Variants in BRD4 observed in about 807,000 individuals in gnomAD.
BRD4 encodes the protein bromodomain containing 4.
Under a neutral mutation model 142.1 loss-of-function variants are expected in BRD4, and 16 were observed. The observed-to-expected ratio is 0.11, with a 90% CI of 0.08 to 0.17. BRD4 has a LOEUF of 0.17. Among genes scored for constraint, BRD4 ranks in the 10% least tolerant of loss-of-function variants. The pLI, the probability that BRD4 is intolerant of heterozygous loss-of-function variation, is 1.00. For missense variants in BRD4, 1,424 were observed against 1,810.9 expected, an observed-to-expected ratio of 0.79 and a Z score of 3.88; for synonymous variants, 833 against 707.5, an observed-to-expected ratio of 1.18 and a Z score of -2.82.
chr19:15,296,493 G>C (rs2047824042), intron 1 of BRD4, among the ~76,000 whole-genome samples: 1 of 152,178 alleles, frequency 6.6e-6, no homozygotes, highest in South Asian at 2.1e-4. Flanking sequence ...AAGAAAGCCA[G>C]AGATTAGCCA....
rs779860738 is a variant in BRD4, at chr19:15,265,439, G to T, written c.764C>A (p.Pro255His). ...QPLQTPPPVP[P>H]QPQPPPAPAP... ...TGGAGCGGGTGGGGGTTGTGGCTGG[G>T]GGGGCACTGGCGGGGGCGTCTGCAG... Residue 255 changes from proline to histidine, a missense_variant, in exon 5 of 20, where the codon CCC becomes CAC. Coordinates refer to ENST00000679869, the MANE Select transcript of BRD4 (RefSeq NM_001379291.1). The T allele has an allele frequency of 1.3e-6, 2 of 1,574,956 alleles. No individual in the cohort carries two copies. Among genetic ancestry groups the T allele is most frequent in the African/African-American group, 1.3e-5 (1 of 74,092 alleles).
At chr19:15,325,690 C>T (rs763136693) in intron 1 of BRD4, among the ~76,000 whole-genome samples, 2 of 152,018 alleles carry the variant, frequency 1.3e-5, no homozygotes, top group Non-Finnish European at 2.9e-5. Flanking sequence ...TATACACCTC[C>T]CAATTCAAAG....
intron 1 of BRD4, among the ~76,000 whole-genome samples, chr19:15,324,585 C>T (rs982987348): frequency 6.6e-6 from 1 of 152,172 alleles, no homozygotes; most frequent in African/African-American, 2.4e-5. Flanking sequence ...AGCCCAGATG[C>T]CAATACAATC....
At chr19:15,300,918 C>G (rs1489114833) in intron 1 of BRD4, among the ~76,000 whole-genome samples, 2 of 152,214 alleles carry the variant, frequency 1.3e-5, no homozygotes, top group Non-Finnish European at 2.9e-5. Context: ...ACCCAGCCAT[C>G]TCACTTGCAG....
chr19:15,322,853 A>G (rs1463178914), intron 1 of BRD4, among the ~76,000 whole-genome samples: 4 of 131,296 alleles, frequency 3.0e-5, no homozygotes, highest in African/African-American at 1.2e-4. Context: ...GGAGATAGAG[A>G]GAGACTCTGT....
In BRD4 at chr19:15,312,362, G is replaced by A. The variant is rs576647705; in HGVS notation, c.-35+19928C>T. On this transcript the variant is annotated intron_variant, in intron 1 of 19. Transcript: ENST00000679869. ...AAAGTACAAAAAAGGGGCCAGGTGC[G>A]GTGGCTCACACCTGTAATCCCAGCA... Among the ~76,000 whole-genome samples, 8 of 152,084 alleles carry A rather than the reference G, an allele frequency of 5.3e-5. No individual in the cohort carries two copies. The East Asian group carries it at 7.8e-4, about 15-fold the overall frequency.
At chr19:15,254,466 A>G (rs1239834868) in intron 10 of BRD4, among the ~76,000 whole-genome samples, 1 of 152,132 alleles carries the variant, frequency 6.6e-6, no homozygotes, top group Non-Finnish European at 1.5e-5. Flanking sequence ...CTTACAATGG[A>G]ATTTCAAGGT....
At position 15,246,864 on chromosome 19, in the gene BRD4, G is replaced by A. The variant is rs546554197; in HGVS notation, c.2159-2102C>T. ...GGGGGAGAGAAGGCGGCATGTGCAC[G>A]GCAGACCCCCAGGACCAGATGCCTA... On this transcript the variant is annotated intron_variant, in intron 11 of 19. Transcript: ENST00000679869. Among the ~76,000 whole-genome samples, 172 of 152,232 alleles carry A rather than the reference G, an allele frequency of 1.1e-3. 1 individual carries two copies. Among genetic ancestry groups the A allele is most frequent in the African/African-American group, 3.9e-3 (163 of 41,530 alleles).
intron 11 of BRD4, among the ~76,000 whole-genome samples, chr19:15,249,601 G>C (rs930422872): frequency 6.6e-6 from 1 of 152,190 alleles, no homozygotes; most frequent in Non-Finnish European, 1.5e-5. Flanking sequence ...CCCTGCCTGA[G>C]CGCACGCCGG....
rs949109823 is a variant in BRD4 at position 15,236,184 on chromosome 19, A to G, written c.*2193T>C. The G allele has an allele frequency of 6.6e-6, 1 of 152,226 alleles. No individual in the cohort carries two copies. The highest frequency in any genetic ancestry group is 2.4e-5 in the African/African-American group (1 of 41,450). The allele number at this position is 152,226 out of a possible 1,614,324, so 9.4% of individuals were successfully genotyped here. ...GGGATGTAGGAGAATAAACAGTGCT[A>G]GAAATGTTTCAATCAGTTTGTCTCT... On this transcript the variant is annotated 3_prime_UTR_variant, in exon 20 of 20. Transcript: ENST00000679869.
Position 15,239,067 on chromosome 19 carries a change from C to T in BRD4, c.3774G>A (p.Glu1258=), listed in dbSNP as rs776759685. The change falls in exon 18 of 20, where the codon GAG becomes GAA. Residue 1258 remains glutamate (E), a synonymous_variant. Transcript: ENST00000679869. This position sits in a 1 kb window ranked among gnomAD's most constrained non-coding sequence, Gnocchi z 7.4. The stretch of plus-strand genomic sequence containing the variant: ...CCCAGACACCCGCCCACCTCATGCG[C>T]TCCTGCCGCAGCCGCTCCTTCTCCT... The part of the protein sequence containing the change: ...AEKEKERLRQ[E]RMRSREDEDA... The T allele has an allele frequency of 1.3e-6, 2 of 1,593,240 alleles. No individual in the cohort carries two copies. Among genetic ancestry groups the T allele is most frequent in the South Asian group, 2.2e-5 (2 of 89,512 alleles).
At chr19:15,284,305 G>T (rs541467087) in intron 1 of BRD4, among the ~76,000 whole-genome samples, 2 of 152,208 alleles carry the variant, frequency 1.3e-5, no homozygotes, top group Non-Finnish European at 2.9e-5. Context: ...TGAAGAAAAG[G>T]GAACGCAGAA....
intron 1 of BRD4, among the ~76,000 whole-genome samples, chr19:15,292,930 C>A (rs1051975388): frequency 1.3e-4 from 20 of 151,818 alleles, no homozygotes; most frequent in African/African-American, 4.8e-4. Flanking sequence ...TAACTCTGCT[C>A]ACACTGCTGG....
rs901804731 is a variant in BRD4, at chr19:15,254,171, G to A, written c.2139C>T (p.Asp713=). ...CCTAACCTGTTTCGGAGTCTTCGCT[G>A]TCAGAGGAGCTGGACTCACTGGAGC... ...SESSSESSSS[D]SEDSETEMAP... is the part of the protein sequence containing the mutation. The change falls in exon 11 of 20, where the codon GAC becomes GAT. Residue 713 remains aspartate (D), a synonymous_variant. Coordinates refer to ENST00000679869, the MANE Select transcript of BRD4 (RefSeq NM_001379291.1). The A allele has an allele frequency of 1.9e-6, 3 of 1,614,190 alleles. No homozygotes were observed. The highest frequency in any genetic ancestry group is 1.6e-4 in the Middle Eastern group (1 of 6,062).
intron 1 of BRD4, among the ~76,000 whole-genome samples, chr19:15,283,807 T>C (rs1168231418): frequency 1.3e-5 from 2 of 152,172 alleles, no homozygotes; most frequent in Non-Finnish European, 2.9e-5. Flanking sequence ...TGACTCAAGG[T>C]GTCCCTGGAA....
At chr19:15,260,989 T>C (rs2047464009) in intron 7 of BRD4, among the ~76,000 whole-genome samples, 2 of 152,190 alleles carry the variant, frequency 1.3e-5, no homozygotes, top group African/African-American at 2.4e-5. Context: ...ACAGTCACCT[T>C]TGGTGCTGGA....
chr19:15,273,421 T>C (rs2047611852), intron 1 of BRD4, among the ~76,000 whole-genome samples: 1 of 152,318 alleles, frequency 6.6e-6, no homozygotes, highest in South Asian at 2.1e-4. Flanking sequence ...ATGAAGGTCA[T>C]GGGGAAGGAT....
intron 1 of BRD4, among the ~76,000 whole-genome samples, chr19:15,312,405 G>A (rs1012520129): frequency 1.4e-4 from 22 of 152,104 alleles, no homozygotes; most frequent in Admixed American, 1.0e-3. Flanking sequence ...AGGCCGAGGC[G>A]GGCAGATCAC....
chr19:15,240,375 C>T (rs1043371222), intron 14 of BRD4, among the ~76,000 whole-genome samples: 3 of 152,182 alleles, frequency 2.0e-5, no homozygotes, highest in Non-Finnish European at 2.9e-5. Context: ...CAGATCCTGA[C>T]ACATGTGGGC....
Sources: gnomAD v4.1 joint callset for allele counts (sites outside exome capture counted in the v4.1 genomes callset) on GRCh38, gnomAD v4.1.1 for gene constraint, Gnocchi (gnomAD v3.1) non-coding constraint, MANE v1.5 for transcripts, NCBI Gene and HGNC (gene_info 2026-07-23, HGNC 2026-07-21) for gene names.